The following DST variants were observed in gnomAD, a reference collection of about 807,000 sequenced individuals.
DST encodes bullous pemphigoid antigen.
A neutral mutation model predicts 875.2 loss-of-function variants in DST; 253 were observed. The observed-to-expected ratio is 0.29, with a 90% CI of 0.26 to 0.32. The LOEUF (loss-of-function observed/expected upper bound fraction) is 0.32, where lower values mean the gene tolerates loss of function less well. DST is among the 10% of genes least tolerant of loss of function. DST has a pLI of 1.00. For synonymous variants in DST, 3,124 were observed against 3,197.1 expected, an observed-to-expected ratio of 0.98 and a Z score of 0.77; for missense variants, 8,287 against 9,111.6, an observed-to-expected ratio of 0.91 and a Z score of 3.68.
intron 3 of DST, chr6:56,871,129 CAT>C: frequency 1.6e-6 from 1 of 610,762 alleles, no homozygotes; most frequent in Non-Finnish European, 2.9e-6. Context: ...AAGATATAAA[CAT>C]ATGAAAAAAT....
At chr6:56,669,335 C>T (rs1406716285) in intron 10 of DST, among the ~76,000 whole-genome samples, 1 of 149,378 alleles carries the variant, frequency 6.7e-6, no homozygotes, top group African/African-American at 2.5e-5. Context: ...TAGTTTTCAG[C>T]CTGTAATCCT....
chr6:56,510,922 G>A (rs756428322), intron 73 of DST, among the ~76,000 whole-genome samples: 6 of 151,870 alleles, frequency 4.0e-5, no homozygotes, highest in Non-Finnish European at 8.8e-5. Context: ...ACTCAGGATG[G>A]ACACTGAATT....
rs752251438 is a variant in DST, at chr6:56,492,445, A to G, written c.20551-12T>C. 5 of 1,604,270 alleles carry G rather than the reference A, an allele frequency of 3.1e-6. No individual in the cohort carries two copies. The South Asian group carries it at 5.7e-5, about 18-fold the overall frequency. ...TCATTGGCAAAAACCTTTCCCAGAA[A>G]AAAAGGAAATAAGTAGAAACAAATG... On this transcript the variant is annotated splice_polypyrimidine_tract_variant and intron_variant, in intron 84 of 103. Coordinates refer to ENST00000680361, the MANE Select transcript of DST (RefSeq NM_001374736.1).
rs775620988 is a variant in DST at position 56,605,354 on chromosome 6, A to G, written c.9274T>C (p.Phe3092Leu). The change falls in exon 40 of 104, where the codon TTT becomes CTT. Residue 3092 changes from phenylalanine (F) to leucine (L), a missense_variant. Physicochemically the swap from Phe to Leu is conservative, Grantham distance 22. Transcript: ENST00000680361. ...TTGTTTGTGATTTGTGGAAATGGAA[A>G]CTGACTATTAATTAACTTGAAACTA... ...RDSFKLINSQ[F>L]PFPQITNNEE... 3 of 1,612,628 alleles carry G rather than the reference A, an allele frequency of 1.9e-6. No homozygotes were observed. The South Asian group carries it at 3.3e-5, about 18-fold the overall frequency.
intron 82 of DST, among the ~76,000 whole-genome samples, chr6:56,495,563 T>C (rs1290169198): frequency 6.6e-6 from 1 of 151,960 alleles, no homozygotes; most frequent in Non-Finnish European, 1.5e-5. Flanking sequence ...AACTTATAAT[T>C]AATGGACACT....
intron 3 of DST, among the ~76,000 whole-genome samples, chr6:56,881,345 T>C (rs975457455): frequency 6.6e-6 from 1 of 151,940 alleles, no homozygotes; most frequent in African/African-American, 2.4e-5. Context: ...TGGTGAGACA[T>C]GCCTGTAGTC....
intron 3 of DST, among the ~76,000 whole-genome samples, chr6:56,894,327 T>C (rs1480635472): frequency 3.4e-5 from 3 of 88,554 alleles, no homozygotes; most frequent in African/African-American, 6.4e-5. Context: ...CCTCACCTCC[T>C]GGATAGGGCG....
At chr6:56,843,215 G>T (rs565833440) in intron 4 of DST, 246 of 1,412,750 alleles carry the variant, frequency 1.7e-4, no homozygotes, top group Non-Finnish European at 2.2e-4. Context: ...CAGTATCGCA[G>T]TCAGCAAGAC....
At chr6:56,680,673 G>A (rs2099152855) in intron 9 of DST, among the ~76,000 whole-genome samples, 1 of 152,086 alleles carries the variant, frequency 6.6e-6, no homozygotes. Flanking sequence ...AGGCTCCTCT[G>A]TTACCCAACC....
chr6:56,717,177 C>T (rs887959967), intron 5 of DST, among the ~76,000 whole-genome samples: 17 of 128,562 alleles, frequency 1.3e-4, no homozygotes, highest in African/African-American at 4.1e-4. Context: ...AGCGAGACTC[C>T]GTCTCAAATA....
chr6:56,809,959 G>A (rs1037323152), intron 4 of DST, among the ~76,000 whole-genome samples: 6 of 152,046 alleles, frequency 3.9e-5, no homozygotes, highest in Non-Finnish European at 7.4e-5. Context: ...AGCACTAAAC[G>A]TGTTGGCCTA....
At chr6:56,658,776 T>C (rs184491458) in intron 10 of DST, among the ~76,000 whole-genome samples, 1 of 152,302 alleles carries the variant, frequency 6.6e-6, no homozygotes, top group Admixed American at 6.5e-5. Context: ...ACAGCCACTG[T>C]GCATATGGAG....
intron 9 of DST, among the ~76,000 whole-genome samples, chr6:56,672,456 A>AACACAT (rs1357885539): frequency 8.1e-4 from 123 of 152,346 alleles, no homozygotes; most frequent in African/African-American, 2.8e-3. Flanking sequence ...TCTGCACATG[A>AACACAT]ACACATCATA....
chr6:56,704,173 A>G, intron 6 of DST, 107 bp downstream of exon 6: 1 of 536,966 alleles, frequency 1.9e-6, no homozygotes, highest in Non-Finnish European at 3.2e-6. Context: ...TCATAGCTCA[A>G]AAGATGAATG....
In DST at chr6:56,642,590, T is replaced by G. The variant is rs2098917126; in HGVS notation, c.1779-87A>C. On this transcript the variant is annotated intron_variant, in intron 15 of 103. Transcript: ENST00000680361. ...CTGAAAAGTGCTGCCCATCAAAAAGTAAAACACAATCCCACACCAATGATT... is the reference window on the plus strand; with the variant it reads ...CTGAAAAGTGCTGCCCATCAAAAAGGAAAACACAATCCCACACCAATGATT... 8 of 1,613,868 alleles carry G rather than the reference T, an allele frequency of 5.0e-6. No homozygotes were observed. The East Asian group carries it at 1.8e-4, about 36-fold the overall frequency.
chr6:56,891,206 C>A (rs1199545874), intron 3 of DST, among the ~76,000 whole-genome samples: 1 of 152,210 alleles, frequency 6.6e-6, no homozygotes, highest in Non-Finnish European at 1.5e-5. Flanking sequence ...AGCCTTCTCA[C>A]TACCAACTCT....
At chr6:56,946,062 T>A (rs575505567) in intron 2 of DST, among the ~76,000 whole-genome samples, 1 of 152,166 alleles carries the variant, frequency 6.6e-6, no homozygotes, top group Admixed American at 6.5e-5. Flanking sequence ...AAATTATATC[T>A]CAATAAAGCT....
chr6:56,643,099 T>C (rs942997196), intron 15 of DST: 2 of 381,280 alleles, frequency 5.2e-6, no homozygotes, highest in Non-Finnish European at 9.5e-6. Flanking sequence ...ATGCCAAATA[T>C]TTGCACTAAG....
Position 56,494,176 on chromosome 6 carries a change from A to G in DST, c.20228T>C (p.Val6743Ala). ...TTCTTTAGCTTCAAAGGCAGCACAGACTTCCTAAATTGAGATACCCTCAAG... is the reference window on the plus strand; with the variant it reads ...TTCTTTAGCTTCAAAGGCAGCACAGGCTTCCTAAATTGAGATACCCTCAAG... Reference protein sequence around the residue: ...AKEQLNVHMEVCAAFEAKEET... With the variant: ...AKEQLNVHMEACAAFEAKEET... The change falls in exon 83 of 104, where the codon GTC becomes GCC. Residue 6743 changes from valine to alanine, a missense_variant. Physicochemically the swap from Val to Ala is moderately conservative, Grantham distance 64. Coordinates refer to ENST00000680361, the MANE Select transcript of DST (RefSeq NM_001374736.1). The G allele has an allele frequency of 6.3e-7, 1 of 1,598,158 alleles. No homozygotes were observed. The highest frequency in any genetic ancestry group is 8.5e-7 in the Non-Finnish European group (1 of 1,171,130).
Sources: gnomAD v4.1 joint callset for allele counts (sites outside exome capture counted in the v4.1 genomes callset) on GRCh38, gnomAD v4.1.1 for gene constraint, MANE v1.5 for transcripts, NCBI Gene and HGNC (gene_info 2026-07-23, HGNC 2026-07-21) for gene names.